CASK: variants seen among roughly 807,000 people sequenced by gnomAD.
The protein encoded by CASK is calcium/calmodulin dependent serine protein kinase, also known as peripheral plasma membrane protein CASK.
CASK carries 4 observed loss-of-function variants against 82.9 expected under a neutral mutation model. The observed-to-expected ratio is 0.05, with a 90% CI of 0.02 to 0.11. The LOEUF (loss-of-function observed/expected upper bound fraction) is 0.11. Ranked by LOEUF, CASK falls within the 10% of genes least tolerant of loss-of-function variation. CASK has a pLI of 1.00. For synonymous variants in CASK, 259 were observed against 253.5 expected, an observed-to-expected ratio of 1.02 and a Z score of -0.20; for missense variants, 358 against 720.9, an observed-to-expected ratio of 0.50 and a Z score of 5.76.
At chrX:41,913,421 A>C (rs999168815) in intron 1 of CASK, among the ~76,000 whole-genome samples, 3 of 112,412 alleles carry the variant, frequency 2.7e-5, no homozygotes, top group Non-Finnish European at 3.8e-5. Context: ...TTTCACATAG[A>C]TCATGCTATT....
chrX:41,798,500 T>C lies in CASK; in HGVS notation c.173-11217A>G, dbSNP rs777036590. On this transcript the variant is annotated intron_variant, in intron 2 of 26. Coordinates refer to ENST00000378163, the MANE Select transcript of CASK (RefSeq NM_001367721.1). ...AGGGGCAGATGATGCTCATGTTATA[T>C]ATGAATAGACAGAGAGCAGTTAAGT... Among the ~76,000 whole-genome samples, 10 of 112,885 alleles carry C rather than the reference T, an allele frequency of 8.9e-5. No individual in the cohort carries two copies. In the South Asian group the frequency reaches 3.6e-3, roughly 41 times the overall value.
intron 2 of CASK, among the ~76,000 whole-genome samples, chrX:41,809,828 C>A (rs2070228785): frequency 9.0e-6 from 1 of 111,336 alleles, no homozygotes; most frequent in African/African-American, 3.3e-5. Context: ...CGCAAAGAAG[C>A]TAAAAACCTT....
At chrX:41,786,885 C>T in intron 3 of CASK, 6 of 276,693 alleles carry the variant, frequency 2.2e-5, no homozygotes, top group Non-Finnish European at 3.9e-5. Context: ...AAGACTTCTA[C>T]TGGTCAGAAG....
intron 5 of CASK, among the ~76,000 whole-genome samples, chrX:41,681,106 C>T (rs999673640): frequency 3.2e-4 from 35 of 110,513 alleles, no homozygotes; most frequent in Admixed American, 2.8e-3. Flanking sequence ...TTTGGAGATT[C>T]GTAACAATTT....
intron 12 of CASK, among the ~76,000 whole-genome samples, chrX:41,607,096 C>A (rs1158433308): frequency 8.9e-6 from 1 of 112,895 alleles, no homozygotes; most frequent in Non-Finnish European, 1.9e-5. Context: ...GCAGATACTT[C>A]TTTATAATGT....
At chrX:41,792,830 C>T (rs2069761997) in intron 2 of CASK, among the ~76,000 whole-genome samples, 1 of 111,175 alleles carries the variant, frequency 9.0e-6, no homozygotes, top group African/African-American at 3.3e-5. Context: ...TGTATTTTTA[C>T]ACTTATAGCA....
At chrX:41,884,402 G>A (rs1459703280) in intron 1 of CASK, among the ~76,000 whole-genome samples, 1 of 111,692 alleles carries the variant, frequency 9.0e-6, no homozygotes, top group East Asian at 2.8e-4. Context: ...GTTGGATATA[G>A]TAACTAGATA....
intron 1 of CASK, among the ~76,000 whole-genome samples, chrX:41,872,805 T>C (rs772864744): frequency 1.8e-5 from 2 of 110,899 alleles, no homozygotes; most frequent in South Asian, 7.7e-4. Context: ...TAGTCATCAT[T>C]CTCCTTCAGC....
chrX:41,742,662 T>G (rs2068613090), intron 4 of CASK, among the ~76,000 whole-genome samples: 1 of 112,059 alleles, frequency 8.9e-6, no homozygotes, highest in Non-Finnish European at 1.9e-5. Flanking sequence ...ACTAGAATAC[T>G]GATACAAGCT....
chrX:41,764,801 T>TA (rs753201601), intron 3 of CASK, among the ~76,000 whole-genome samples: 6 of 111,235 alleles, frequency 5.4e-5, no homozygotes, highest in Non-Finnish European at 1.1e-4. Context: ...AGCCATACTG[T>TA]AGCCAAAAAA....
rs761124811 is a variant in CASK at position 41,745,570 on chromosome X, C to T, written c.310G>A (p.Val104Ile). ...ACAAAACCAGCGTCAGCTCGCTTTA[C>T]GATTTCAAAACACAGATCTGCTCCA... The part of the protein sequence containing the change: ...MDGADLCFEI[V>I]KRADAGFVYS... The change falls in exon 4 of 27, where the codon GTA becomes ATA. Residue 104 changes from valine (V) to isoleucine (I), a missense_variant. Transcript: ENST00000378163. 1 of 1,203,545 alleles carries T rather than the reference C, an allele frequency of 8.3e-7. No individual in the cohort carries two copies. The highest frequency in any genetic ancestry group is 1.8e-5 in the South Asian group (1 of 56,636).
chrX:41,866,634 C>T (rs2071596512), intron 1 of CASK, among the ~76,000 whole-genome samples: 2 of 111,774 alleles, frequency 1.8e-5, no homozygotes, highest in South Asian at 7.5e-4. Flanking sequence ...GCATTTTCAA[C>T]CTATTTTATT....
intron 15 of CASK, among the ~76,000 whole-genome samples, chrX:41,576,366 C>A (rs1435852488): frequency 9.0e-6 from 1 of 111,202 alleles, no homozygotes; most frequent in Non-Finnish European, 1.9e-5. Flanking sequence ...CCAAGACACT[C>A]TGAGGCCTCC....
chrX:41,608,511 C>T (rs1246576937), intron 12 of CASK, among the ~76,000 whole-genome samples: 1 of 111,924 alleles, frequency 8.9e-6, no homozygotes, highest in Non-Finnish European at 1.9e-5. Flanking sequence ...GTTCTAGGCA[C>T]CCCAAAGCAA....
chrX:41,743,872 T>C (rs1017388089), intron 4 of CASK: 2 of 266,882 alleles, frequency 7.5e-6, no homozygotes, highest in Admixed American at 6.6e-5. Flanking sequence ...CTTTGGGAGG[T>C]TGAGGCGTGC....
At chrX:41,664,501 C>T (rs1490413997) in intron 7 of CASK, among the ~76,000 whole-genome samples, 4 of 110,942 alleles carry the variant, frequency 3.6e-5, no homozygotes, top group Non-Finnish European at 5.7e-5. Flanking sequence ...AAAAGAATTT[C>T]CCCAACTTAA....
chrX:41,905,288 T>C (rs2072451464), intron 1 of CASK, among the ~76,000 whole-genome samples: 2 of 112,274 alleles, frequency 1.8e-5, no homozygotes, highest in Admixed American at 9.4e-5. Context: ...GGAAACTCTA[T>C]ATTTAACTTT....
intron 5 of CASK, among the ~76,000 whole-genome samples, chrX:41,711,810 C>T (rs1334893113): frequency 8.9e-6 from 1 of 112,177 alleles, no homozygotes; most frequent in Non-Finnish European, 1.9e-5. Context: ...GACCCAGCCA[C>T]ACTGAGAGAG....
At chrX:41,848,622 C>T (rs1420781923) in intron 2 of CASK, among the ~76,000 whole-genome samples, 2 of 111,633 alleles carry the variant, frequency 1.8e-5, no homozygotes, top group Admixed American at 9.5e-5. Flanking sequence ...TCATAAATTA[C>T]CCACTCTCAG....
Sources: gnomAD v4.1 joint callset for allele counts (sites outside exome capture counted in the v4.1 genomes callset) on GRCh38, gnomAD v4.1.1 for gene constraint, MANE v1.5 for transcripts, NCBI Gene and HGNC (gene_info 2026-07-23, HGNC 2026-07-21) for gene names.